Variants in ABHD18 observed in about 807,000 individuals in gnomAD.
ABHD18 encodes cardiolipin-specific deacylase, mitochondrial.
A neutral mutation model predicts 65.9 loss-of-function variants in ABHD18; 55 were observed. The observed-to-expected ratio is 0.84, with a 90% confidence interval of 0.67 to 1.05. The LOEUF (loss-of-function observed/expected upper bound fraction) is 1.05, where lower values mean the gene tolerates loss of function less well. Among genes scored for constraint, ABHD18 ranks in the 50% least tolerant of loss-of-function variants. The probability of loss-of-function intolerance (pLI) is 0.00; values close to 1 mark genes in which losing one functional copy is unlikely to be tolerated. For synonymous variants in ABHD18, 181 were observed against 180.2 expected (o/e 1.00, Z -0.04); for missense variants, 533 against 558.5 (o/e 0.95, Z 0.46).
At chr4:128,025,885 C>G (rs917780225) in intron 10 of ABHD18, among the ~76,000 whole-genome samples, 1 of 152,164 alleles carries the variant, frequency 6.6e-6, no homozygotes, top group Non-Finnish European at 1.5e-5. Flanking sequence ...TGGCTGGGCA[C>G]GACGGCTCAC....
intron 3 of ABHD18, among the ~76,000 whole-genome samples, chr4:127,989,308 T>G (rs1036133635): frequency 2.0e-5 from 3 of 152,128 alleles, no homozygotes; most frequent in African/African-American, 7.2e-5. Context: ...GTGGAGATGA[T>G]TAATTGGTGC....
chr4:128,002,672 C>T (rs1752875489), intron 4 of ABHD18, among the ~76,000 whole-genome samples: 1 of 152,052 alleles, frequency 6.6e-6, no homozygotes, highest in Non-Finnish European at 1.5e-5. Context: ...GAGACAGAGT[C>T]TCGCTCTGTC....
chr4:127,983,591 C>T (rs1459018730), intron 2 of ABHD18, among the ~76,000 whole-genome samples: 3 of 151,716 alleles, frequency 2.0e-5, no homozygotes, highest in African/African-American at 2.4e-5. Context: ...ATTGGCTGGG[C>T]GCGGTGGCTC....
chr4:127,968,352 TACTTAA>T (rs977452507), intron 1 of ABHD18, among the ~76,000 whole-genome samples: 1 of 152,282 alleles, frequency 6.6e-6, no homozygotes, highest in Admixed American at 6.5e-5. Context: ...CTTTCTTAGC[TACTTAA>T]ACTTGTATAG....
chr4:128,004,319 G>A (rs752464729), intron 4 of ABHD18, among the ~76,000 whole-genome samples: 1 of 151,838 alleles, frequency 6.6e-6, no homozygotes, highest in Non-Finnish European at 1.5e-5. Context: ...AGGTGTGGTG[G>A]CACATGCCTG....
chr4:128,020,679 C>T (rs758559538), intron 9 of ABHD18, among the ~76,000 whole-genome samples: 1 of 152,108 alleles, frequency 6.6e-6, no homozygotes, highest in Non-Finnish European at 1.5e-5. Flanking sequence ...GTATAGAAAG[C>T]TGTTTACTGG....
intron 1 of ABHD18, among the ~76,000 whole-genome samples, chr4:127,982,198 T>C (rs1749179079): frequency 6.6e-6 from 1 of 152,132 alleles, no homozygotes; most frequent in African/African-American, 2.4e-5. Flanking sequence ...AAAAAGGAAA[T>C]GCAGATTTTC....
chr4:128,007,102 G>T (rs985747336), intron 4 of ABHD18, among the ~76,000 whole-genome samples: 21 of 152,018 alleles, frequency 1.4e-4, no homozygotes, highest in Admixed American at 2.6e-4. Flanking sequence ...CCAAGATCAT[G>T]CCATTGCACT....
rs1759015913 is a variant in ABHD18 at position 128,037,839 on chromosome 4, T to G, written c.*2026T>G. On this transcript the variant is annotated 3_prime_UTR_variant, in exon 13 of 13. Coordinates refer to ENST00000645843, the MANE Select transcript of ABHD18 (RefSeq NM_001358451.3). ...TTTATGTAATAGCTATTAACTCTCT[T>G]AAATGGGGTTTATATGGCTCGATTT... 1 of 152,160 alleles carries G rather than the reference T, an allele frequency of 6.6e-6. No homozygotes were observed. Among genetic ancestry groups the G allele is most frequent in the Admixed American group, 6.6e-5 (1 of 15,260 alleles). The allele number at this position is 152,160 out of a possible 1,614,324, so 9.4% of individuals were successfully genotyped here. A position where few individuals can be genotyped will look rare whatever the true frequency, so the allele number is the denominator to read the frequency against.
chr4:128,013,321 A>T (rs1335395693), intron 7 of ABHD18, among the ~76,000 whole-genome samples: 1 of 152,162 alleles, frequency 6.6e-6, no homozygotes, highest in African/African-American at 2.4e-5. Context: ...TAGTAGTGGA[A>T]ATGGAGAGAA....
chr4:128,008,645 A>G (rs1353120388), intron 4 of ABHD18, among the ~76,000 whole-genome samples: 1 of 152,116 alleles, frequency 6.6e-6, no homozygotes, highest in Non-Finnish European at 1.5e-5. Flanking sequence ...TTCTTTATGT[A>G]TTTATTAAGT....
chr4:128,001,618 A>G, intron 4 of ABHD18: 1 of 1,220,866 alleles, frequency 8.2e-7, no homozygotes. Context: ...ATTATCCCTC[A>G]TACTTAGTTA....
At chr4:128,020,982 C>T (rs533918163) in intron 9 of ABHD18, among the ~76,000 whole-genome samples, 155 bp from the exon 10 acceptor site, 4 of 149,634 alleles carry the variant, frequency 2.7e-5, no homozygotes, top group South Asian at 2.1e-4. Flanking sequence ...TGCAGTGAGC[C>T]GAGATAGTGC....
At chr4:128,003,859 G>A (rs1025295169) in intron 4 of ABHD18, among the ~76,000 whole-genome samples, 13 of 150,330 alleles carry the variant, frequency 8.6e-5, no homozygotes, top group Non-Finnish European at 1.5e-4. Flanking sequence ...GCTGACGATC[G>A]CTTGAGCCTG....
At chr4:127,984,485 TA>T in intron 3 of ABHD18, 62 bp downstream of exon 3, 1 of 893,984 alleles carries the variant, frequency 1.1e-6, no homozygotes, top group Non-Finnish European at 1.7e-6. Flanking sequence ...TGTCTAAGAA[TA>T]GATTACATAT....
rs368434647 is a variant in ABHD18 at position 128,028,734 on chromosome 4, G to A, written c.1061G>A (p.Arg354His). ...LSTNKSGYTS[R>H]NPQSYHLLSK... is the part of the protein sequence containing the mutation. ...ACCAACAAAAGTGGTTATACAAGTC[G>A]CAACCCTCAGTCATACCACCTACTT... The change falls in exon 11 of 13, where the codon CGC becomes CAC. Residue 354 changes from arginine (R) to histidine (H), a missense_variant. Arg to His is a conservative substitution (Grantham distance 29). Coordinates refer to ENST00000645843, the MANE Select transcript of ABHD18 (RefSeq NM_001358451.3). The A allele has an allele frequency of 4.0e-5, 64 of 1,613,744 alleles. No individual in the cohort carries two copies. The highest frequency in any genetic ancestry group is 2.7e-4 in the East Asian group (12 of 44,872).
chr4:128,002,627 T>C (rs564697022), intron 4 of ABHD18, among the ~76,000 whole-genome samples: 1 of 151,312 alleles, frequency 6.6e-6, no homozygotes, highest in East Asian at 2.0e-4. Context: ...AGAAAGATGT[T>C]GGAACTACTA....
chr4:127,982,660 T>C (rs1345238052), intron 1 of ABHD18, among the ~76,000 whole-genome samples: 1 of 152,194 alleles, frequency 6.6e-6, no homozygotes, highest in Non-Finnish European at 1.5e-5. Context: ...CTACTATTTT[T>C]ATCCAGCAAA....
At chr4:128,021,327 T>G (rs1211975384) in intron 10 of ABHD18, 89 bp downstream of exon 10, 2 of 810,662 alleles carry the variant, frequency 2.5e-6, no homozygotes, top group African/African-American at 3.5e-5. Flanking sequence ...AATAGCAAAT[T>G]TTTAAAAACA....
Sources: allele counts gnomAD v4.1 joint callset (sites outside exome capture counted in the v4.1 genomes callset), GRCh38; gene constraint gnomAD v4.1.1; transcripts MANE v1.5; gene names NCBI Gene and HGNC (gene_info 2026-07-23, HGNC 2026-07-21).